KDM4C: variants seen among roughly 807,000 people sequenced by gnomAD.
KDM4C encodes lysine demethylase 4C.
In KDM4C, 81 loss-of-function variants were observed where a neutral mutation model predicts 129.3. The observed-to-expected ratio is 0.63, with a 90% CI of 0.52 to 0.75. The LOEUF (loss-of-function observed/expected upper bound fraction) is 0.75. KDM4C is among the 30% of genes least tolerant of loss of function. The pLI, the probability that KDM4C is intolerant of heterozygous loss-of-function variation, is 0.00. For synonymous variants in KDM4C, 573 were observed against 456.1 expected (o/e 1.26, Z -3.26); for missense variants, 1,457 against 1,304.0 (o/e 1.12, Z -1.81).
rs1825019329 is a variant in KDM4C at position 6,784,367 on chromosome 9, T to G, written c.-17-8605T>G. Among the ~76,000 whole-genome samples the G allele has an allele frequency of 2.0e-5, 3 of 152,186 alleles. No individual in the cohort carries two copies. In the South Asian group the frequency reaches 6.2e-4, roughly 32 times the overall value. On this transcript the variant is annotated intron_variant, in intron 1 of 21. Transcript: ENST00000381309. ...CCTCAGCCTCCCAAGTAGCTGGGAC[T>G]ACGGGTACATGCCACCATGCCTGGC...
In KDM4C at chr9:6,733,884, A is replaced by C. The variant is rs550052067; in HGVS notation, c.49+12887A>C. ...TTCCTGATGTTGCCATAGCTTTTGT[A>C]AACTGTCATGGCGCTGCTGAGAGTG... is the stretch of plus-strand genomic sequence containing the variant. On this transcript the variant is annotated intron_variant, in intron 1 of 17. Coordinates refer to the KDM4C transcript ENST00000536108. 3.3e-5 allele frequency among the ~76,000 whole-genome samples: 5 copies of C among 152,288 alleles called. No homozygotes were observed. In the East Asian group the frequency reaches 9.6e-4, roughly 29 times the overall value.
chr9:7,103,608 C>G, intron 17 of KDM4C, 77 bp from the exon 18 acceptor site: 4 of 909,900 alleles, frequency 4.4e-6, no homozygotes, highest in Middle Eastern at 3.0e-4. Context: ...TCTCTAGTAG[C>G]TATTGTTCTG....
chr9:6,940,988 C>G, intron 8 of KDM4C, among the ~76,000 whole-genome samples: 1 of 151,224 alleles, frequency 6.6e-6, no homozygotes. Flanking sequence ...AATATTCACC[C>G]TGTTTAGACT....
At chr9:6,957,672 A>C (rs771255746) in intron 8 of KDM4C, among the ~76,000 whole-genome samples, 1 of 152,138 alleles carries the variant, frequency 6.6e-6, no homozygotes, top group Non-Finnish European at 1.5e-5. Context: ...TTGTTTGTGA[A>C]ATGGAACCAG....
At chr9:7,007,477 G>C (rs748183320) in intron 12 of KDM4C, among the ~76,000 whole-genome samples, 7 of 152,152 alleles carry the variant, frequency 4.6e-5, no homozygotes, top group Admixed American at 4.6e-4. Context: ...CCTTTTTGCT[G>C]TGTTGACTCT....
At chr9:6,907,369 A>G (rs1199690116) in intron 8 of KDM4C, among the ~76,000 whole-genome samples, 1 of 152,178 alleles carries the variant, frequency 6.6e-6, no homozygotes, top group Non-Finnish European at 1.5e-5. Flanking sequence ...TGAGGTTGAC[A>G]TTCATTTATT....
At chr9:6,879,009 T>C (rs1196688572) in intron 5 of KDM4C, among the ~76,000 whole-genome samples, 1 of 152,238 alleles carries the variant, frequency 6.6e-6, no homozygotes, top group Non-Finnish European at 1.5e-5. Context: ...GAATTTTCTT[T>C]TAGTGAATTG....
At chr9:6,885,047 A>G (rs1187348094) in intron 6 of KDM4C, among the ~76,000 whole-genome samples, 1 of 152,228 alleles carries the variant, frequency 6.6e-6, no homozygotes, top group Non-Finnish European at 1.5e-5. Context: ...ACTTATTTTA[A>G]GAATAGAGCT....
In KDM4C at chr9:7,114,795, G is replaced by A. The variant is rs187579894; in HGVS notation, c.2610+10925G>A. On this transcript the variant is annotated intron_variant, in intron 18 of 21. Transcript: ENST00000381309. Reference sequence around the variant, plus strand: ...TAGCAGACCTAGACCCCACGGTGGGGGCACCTGCATTCAGAAATACTTACA... The same window carrying A: ...TAGCAGACCTAGACCCCACGGTGGGAGCACCTGCATTCAGAAATACTTACA... Among the ~76,000 whole-genome samples the A allele has an allele frequency of 9.3e-3, 1,410 of 152,208 alleles. 16 individuals are homozygous for A. Among genetic ancestry groups the A allele is most frequent in the Middle Eastern group, 0.017 (5 of 294 alleles).
intron 12 of KDM4C, among the ~76,000 whole-genome samples, chr9:6,994,515 A>T (rs761525531): frequency 6.6e-6 from 1 of 152,122 alleles, no homozygotes; most frequent in Non-Finnish European, 1.5e-5. Flanking sequence ...CTGTCCGTGT[A>T]TCTGTCTCCC....
intron 19 of KDM4C, among the ~76,000 whole-genome samples, chr9:7,132,126 A>G (rs768435274): frequency 1.3e-5 from 2 of 152,240 alleles, no homozygotes; most frequent in Middle Eastern, 3.2e-3. Flanking sequence ...TCAGTTTCCT[A>G]TGAAAATCAA....
chr9:7,032,271 C>G (rs1784804518), intron 15 of KDM4C, among the ~76,000 whole-genome samples: 1 of 152,164 alleles, frequency 6.6e-6, no homozygotes, highest in African/African-American at 2.4e-5. Flanking sequence ...AACTTTCTGT[C>G]CTGTCTACAG....
chr9:6,868,980 G>A (rs1276391050), intron 5 of KDM4C, among the ~76,000 whole-genome samples: 1 of 151,980 alleles, frequency 6.6e-6, no homozygotes, highest in Non-Finnish European at 1.5e-5. Flanking sequence ...TGAAAGTCAA[G>A]TTTTGTGCCA....
At chr9:7,020,334 A>G (rs908773074) in intron 15 of KDM4C, among the ~76,000 whole-genome samples, 1 of 152,212 alleles carries the variant, frequency 6.6e-6, no homozygotes, top group African/African-American at 2.4e-5. Context: ...TTCCAATTAG[A>G]TATCATCGCT....
At chr9:6,801,600 A>G (rs1828983643) in intron 2 of KDM4C, among the ~76,000 whole-genome samples, 1 of 150,672 alleles carries the variant, frequency 6.6e-6, no homozygotes, top group South Asian at 2.1e-4. Context: ...ATATATTTAC[A>G]TGCTCTTGTG....
At chr9:6,853,547 C>G (rs1839231287) in intron 5 of KDM4C, among the ~76,000 whole-genome samples, 1 of 152,128 alleles carries the variant, frequency 6.6e-6, no homozygotes, top group East Asian at 1.9e-4. Context: ...ATTAAGAATA[C>G]TAAGTTTCCT....
chr9:6,906,485 G>A (rs1818340857), intron 8 of KDM4C, among the ~76,000 whole-genome samples: 2 of 152,158 alleles, frequency 1.3e-5, no homozygotes, highest in African/African-American at 4.8e-5. Context: ...CTGAGGCAAA[G>A]GGCTGGTACA....
At chr9:7,100,554 G>A (rs1215144890) in intron 17 of KDM4C, among the ~76,000 whole-genome samples, 1 of 152,036 alleles carries the variant, frequency 6.6e-6, no homozygotes, top group East Asian at 1.9e-4. Flanking sequence ...TGGCCAGGCT[G>A]GTCTTGAACT....
chr9:6,759,962 TATAAATAAATAAATAA>T (rs34081778), intron 1 of KDM4C, among the ~76,000 whole-genome samples: 3 of 143,046 alleles, frequency 2.1e-5, no homozygotes, highest in South Asian at 4.3e-4. Context: ...AAAGTAAAAA[TATAAATAAATAAATAA>T]ATAAATAAAT....
Sources: gnomAD v4.1 joint callset for allele counts (sites outside exome capture counted in the v4.1 genomes callset) on GRCh38, gnomAD v4.1.1 for gene constraint, MANE v1.5 for transcripts, NCBI Gene and HGNC (gene_info 2026-07-23, HGNC 2026-07-21) for gene names.